GABRG2: variants seen among roughly 807,000 people sequenced by gnomAD.
The protein encoded by GABRG2 is gamma-aminobutyric acid receptor subunit gamma-2.
Under a neutral mutation model 56.4 loss-of-function variants are expected in GABRG2, and 16 were observed. The ratio of observed to expected loss-of-function variants is 0.28; its 90% CI spans 0.19 to 0.43. GABRG2 has a LOEUF of 0.43. Ranked by LOEUF, GABRG2 falls within the 20% of genes least tolerant of loss-of-function variation. The pLI is 1.00. For synonymous variants in GABRG2, 208 were observed against 205.5 expected (o/e 1.01, Z -0.10); for missense variants, 327 against 582.7 (o/e 0.56, Z 4.52).
chr5:162,074,192 A>C (rs189846788), intron 1 of GABRG2, among the ~76,000 whole-genome samples: 47 of 152,098 alleles, frequency 3.1e-4, no homozygotes, highest in African/African-American at 1.1e-3. Context: ...TTAACTCTAA[A>C]TCATATTAAT....
intron 6 of GABRG2, among the ~76,000 whole-genome samples, chr5:162,121,466 T>C (rs1762974723): frequency 6.6e-6 from 1 of 152,108 alleles, no homozygotes; most frequent in African/African-American, 2.4e-5. Context: ...TGGATCTATT[T>C]TTTTTAAATG....
In GABRG2 at chr5:162,104,921, T is replaced by C. The variant is rs146724521; in HGVS notation, c.769+895T>C. ...TGGCCAGTTTGAACTCTCAGCAATGTTGCTTATATCCTCTATGTAGATTAA... is the reference window on the plus strand; with the variant it reads ...TGGCCAGTTTGAACTCTCAGCAATGCTGCTTATATCCTCTATGTAGATTAA... On this transcript the variant is annotated intron_variant, in intron 6 of 9. Transcript: ENST00000639213. 6.6e-5 allele frequency among the ~76,000 whole-genome samples: 10 copies of C among 152,328 alleles called. No homozygotes were observed. In the East Asian group the frequency reaches 1.9e-3, roughly 29 times the overall value.
intron 6 of GABRG2, among the ~76,000 whole-genome samples, chr5:162,117,900 C>T (rs557453485): frequency 4.6e-5 from 7 of 152,052 alleles, no homozygotes; most frequent in East Asian, 3.9e-4. Context: ...ATGATGATGA[C>T]GCAGATGCTA....
At chr5:162,109,175 A>G (rs1762054655) in intron 6 of GABRG2, among the ~76,000 whole-genome samples, 1 of 151,628 alleles carries the variant, frequency 6.6e-6, no homozygotes, top group African/African-American at 2.4e-5. Context: ...TCTCCCTCAT[A>G]GGTGGGAATT....
At chr5:162,073,760 G>A (rs879632871) in intron 1 of GABRG2, among the ~76,000 whole-genome samples, 19 of 151,832 alleles carry the variant, frequency 1.3e-4, no homozygotes, top group Non-Finnish European at 2.2e-4. Flanking sequence ...AAGTAATAGG[G>A]ATTTTACAGT....
chr5:162,126,233 T>C (rs1763333220), intron 6 of GABRG2, among the ~76,000 whole-genome samples: 1 of 151,966 alleles, frequency 6.6e-6, no homozygotes. Context: ...CTAGTGTTGG[T>C]GCAGCTATTG....
chr5:162,078,398 T>TC (rs1491452559), intron 1 of GABRG2, among the ~76,000 whole-genome samples: 2 of 16,398 alleles, frequency 1.2e-4, no homozygotes, highest in African/African-American at 6.6e-4. Flanking sequence ...TATATATATA[T>TC]TTTTTTTTTT....
At chr5:162,138,832 G>A (rs1764334070) in intron 6 of GABRG2, among the ~76,000 whole-genome samples, 1 of 152,088 alleles carries the variant, frequency 6.6e-6, no homozygotes, top group African/African-American at 2.4e-5. Flanking sequence ...AGGCTTTCAT[G>A]ACTGGTAACT....
chr5:162,092,943 T>A (rs2113291146), intron 1 of GABRG2, among the ~76,000 whole-genome samples: 1 of 152,120 alleles, frequency 6.6e-6, no homozygotes, highest in East Asian at 1.9e-4. Flanking sequence ...AATATCATCA[T>A]CTTGGCGGGG....
At chr5:162,101,355 C>T (rs1422542191) in intron 5 of GABRG2, 38 bp downstream of exon 5, 1 of 1,316,910 alleles carries the variant, frequency 7.6e-7, no homozygotes, top group Non-Finnish European at 1.1e-6. Flanking sequence ...TCCTCCCTCA[C>T]CTACAGTCTT....
intron 1 of GABRG2, among the ~76,000 whole-genome samples, chr5:162,071,025 T>C (rs1375846783): frequency 2.6e-5 from 4 of 151,844 alleles, no homozygotes; most frequent in African/African-American, 4.8e-5. Flanking sequence ...CTTTTATTTG[T>C]ATGTAAATCA....
Position 162,091,154 on chromosome 5 carries a change from ATT to A in GABRG2, c.108-2672_108-2671del, listed in dbSNP as rs537798793. Among the ~76,000 whole-genome samples the A allele has an allele frequency of 3.1e-3, 475 of 152,108 alleles. 1 individual carries two copies. The highest frequency in any genetic ancestry group is 5.3e-3 in the Non-Finnish European group (357 of 67,964). ...GCCATTATTTTTCTTCCTGAAAAACATTTGTTTTTAGTTCTCCTCAGCCCATA... is the reference window on the plus strand; with the variant it reads ...GCCATTATTTTTCTTCCTGAAAAACATGTTTTTAGTTCTCCTCAGCCCATA... On this transcript the variant is annotated intron_variant, in intron 1 of 9. Coordinates refer to ENST00000639213, the MANE Select transcript of GABRG2 (RefSeq NM_198904.4).
intron 1 of GABRG2, among the ~76,000 whole-genome samples, chr5:162,084,638 G>T (rs1248241695): frequency 6.6e-6 from 1 of 151,838 alleles, no homozygotes; most frequent in Non-Finnish European, 1.5e-5. Context: ...AGAGTGACTA[G>T]CCTATGTCTT....
chr5:162,091,812 T>G (rs966608090), intron 1 of GABRG2, among the ~76,000 whole-genome samples: 12 of 152,144 alleles, frequency 7.9e-5, no homozygotes, highest in Admixed American at 6.6e-4. Flanking sequence ...ATTTATTTGT[T>G]GGCATAAGGA....
intron 6 of GABRG2, among the ~76,000 whole-genome samples, chr5:162,131,210 G>T (rs774083158): frequency 6.6e-6 from 1 of 151,972 alleles, no homozygotes; most frequent in Non-Finnish European, 1.5e-5. Context: ...CTGAATATGT[G>T]TACTATAGAC....
At chr5:162,127,905 C>T (rs1763457124) in intron 6 of GABRG2, among the ~76,000 whole-genome samples, 1 of 151,780 alleles carries the variant, frequency 6.6e-6, no homozygotes. Context: ...TTCTGAAAAC[C>T]ACATGGACGT....
chr5:162,122,653 G>A (rs1030722425), intron 6 of GABRG2, among the ~76,000 whole-genome samples: 1 of 151,240 alleles, frequency 6.6e-6, no homozygotes, highest in Admixed American at 6.6e-5. Context: ...TAAAAAGAGA[G>A]AAAAGATGAA....
chr5:162,119,138 A>T (rs1472524250), intron 6 of GABRG2, among the ~76,000 whole-genome samples: 1 of 152,138 alleles, frequency 6.6e-6, no homozygotes, highest in African/African-American at 2.4e-5. Flanking sequence ...CCACACAGAG[A>T]TATAGAGAAA....
At chr5:162,093,538 G>C (rs796642578) in intron 1 of GABRG2, among the ~76,000 whole-genome samples, 9 of 152,208 alleles carry the variant, frequency 5.9e-5, no homozygotes, top group African/African-American at 2.2e-4. Flanking sequence ...TCCTTCAGGA[G>C]ACTGGGAAGT....
Sources: allele counts gnomAD v4.1 joint callset (sites outside exome capture counted in the v4.1 genomes callset), GRCh38; gene constraint gnomAD v4.1.1; transcripts MANE v1.5; gene names NCBI Gene and HGNC (gene_info 2026-07-23, HGNC 2026-07-21).